The following SVBP variants were observed in gnomAD, a reference collection of about 807,000 sequenced individuals.
SVBP encodes the protein small vasohibin-binding protein.
SVBP carries 9 observed loss-of-function variants against 9.2 expected under a neutral mutation model. The observed-to-expected ratio is 0.98, with a 90% CI of 0.59 to 1.71. The LOEUF is 1.71. SVBP is among the 40% of genes most tolerant of loss of function. The probability of loss-of-function intolerance (pLI) is 0.00; values close to 1 mark genes in which losing one functional copy is unlikely to be tolerated. For missense variants in SVBP, 63 were observed against 73.2 expected (o/e 0.86, Z 0.51); for synonymous variants, 27 against 23.9 (o/e 1.13, Z -0.37).
rs1197578623 is a variant in SVBP, at chr1:42,810,119, CAT to C, written c.115-2621_115-2620del. On this transcript the variant is annotated intron_variant, in intron 2 of 2. Transcript: ENST00000372521. ...TAACACACACACACACACACACATA[CAT>C]ACATACACACACACACACACACACA... 2.5e-4 allele frequency among the ~76,000 whole-genome samples: 32 copies of C among 130,412 alleles called. No homozygotes were observed. In the South Asian group the frequency reaches 2.7e-3, roughly 11 times the overall value. The allele number at this position is 130,412 out of a possible 152,430, so 85.6% of individuals were successfully genotyped here.
chr1:42,809,954 A>G (rs893508131), intron 2 of SVBP, among the ~76,000 whole-genome samples: 4 of 152,154 alleles, frequency 2.6e-5, no homozygotes, highest in Non-Finnish European at 5.9e-5. Flanking sequence ...CATAAAATAC[A>G]GCAAAGAGGG....
At chr1:42,810,111 CACACAT>C (rs775097312) in intron 2 of SVBP, among the ~76,000 whole-genome samples, 3,812 of 144,310 alleles carry the variant, frequency 0.026, 91 homozygotes, top group African/African-American at 0.067. Context: ...CACACACACA[CACACAT>C]ACATACATAC....
At position 42,817,289 on chromosome 1, in the gene SVBP, G is replaced by C. The variant is rs373374822; in HGVS notation, c.-136C>G. On this transcript the variant is annotated 5_prime_UTR_variant, in exon 1 of 3. Coordinates refer to ENST00000372521, the MANE Select transcript of SVBP (RefSeq NM_199342.4). ...CCTTCCCCCGACCACTGGACCCAGC[G>C]CTGCCTGCCCACCGCCCCTCGTCCT... is the stretch of plus-strand genomic sequence containing the variant. The C allele has an allele frequency of 4.3e-5, 52 of 1,214,234 alleles. 1 individual carries two copies. The Middle Eastern group carries it at 8.9e-4, about 21-fold the overall frequency. 75.2% of individuals were successfully genotyped at this position (1,214,234 alleles called of 1,614,324 possible).
intron 2 of SVBP, 37 bp downstream of exon 2, chr1:42,816,394 A>T (rs376257181): frequency 1.5e-6 from 2 of 1,378,594 alleles, no homozygotes; most frequent in Non-Finnish European, 1.0e-6. Context: ...CATCTCCAGC[A>T]GACTACAGGC....
rs1183623657 is a variant in SVBP at position 42,816,561 on chromosome 1, A to G, written c.-17T>C. 1 of 1,550,682 alleles carries G rather than the reference A, an allele frequency of 6.4e-7. No homozygotes were observed. The highest frequency in any genetic ancestry group is 8.9e-7 in the Non-Finnish European group (1 of 1,122,494). On this transcript the variant is annotated 5_prime_UTR_variant, in exon 2 of 3. Coordinates refer to ENST00000372521, the MANE Select transcript of SVBP (RefSeq NM_199342.4). ...TGGATCCATGGCTTGACTTCTGGATATTTCTTAGGAGGCTCTGATCTGGGT... is the reference window on the plus strand; with the variant it reads ...TGGATCCATGGCTTGACTTCTGGATGTTTCTTAGGAGGCTCTGATCTGGGT...
At chr1:42,810,773 G>A (rs1218438139) in intron 2 of SVBP, among the ~76,000 whole-genome samples, 1 of 152,246 alleles carries the variant, frequency 6.6e-6, no homozygotes, top group East Asian at 1.9e-4. Flanking sequence ...TCTGGCGTCT[G>A]CAGAATTGAA....
chr1:42,817,246 C>G lies in SVBP; in HGVS notation c.-93G>C. 6 of 1,253,908 alleles carry G rather than the reference C, an allele frequency of 4.8e-6. No individual in the cohort carries two copies. Among genetic ancestry groups the G allele is most frequent in the Non-Finnish European group, 5.1e-6 (5 of 972,728 alleles). The allele number at this position is 1,253,908 out of a possible 1,614,324, so 77.7% of individuals were successfully genotyped here. ...CTCCGCCGAGTCGCAGACAACGCCTCCGGGAGGGTAATCCTCGCCTTCCCC... is the reference window on the plus strand; with the variant it reads ...CTCCGCCGAGTCGCAGACAACGCCTGCGGGAGGGTAATCCTCGCCTTCCCC... On this transcript the variant is annotated 5_prime_UTR_variant, in exon 1 of 3. Transcript: ENST00000372521.
intron 2 of SVBP, among the ~76,000 whole-genome samples, chr1:42,810,121 TAC>T (rs763790296): frequency 1.5e-5 from 2 of 137,764 alleles, no homozygotes; most frequent in African/African-American, 6.1e-5. Flanking sequence ...CACACATACA[TAC>T]ATACACACAC....
At chr1:42,811,217 C>T (rs1376910107) in intron 2 of SVBP, among the ~76,000 whole-genome samples, 1 of 152,020 alleles carries the variant, frequency 6.6e-6, no homozygotes, top group Non-Finnish European at 1.5e-5. Flanking sequence ...CAAAAAACAA[C>T]AGACAAAAGT....
intron 2 of SVBP, among the ~76,000 whole-genome samples, chr1:42,812,445 T>C (rs1276553140): frequency 1.3e-5 from 2 of 152,232 alleles, no homozygotes; most frequent in East Asian, 1.9e-4. Flanking sequence ...TAATGAAATA[T>C]TAAATCTTTA....
Position 42,817,283 on chromosome 1 carries a change from C to A in SVBP, c.-130G>T. Reference sequence around the variant, plus strand: ...TCCTCGCCTTCCCCCGACCACTGGACCCAGCGCTGCCTGCCCACCGCCCCT... The same window carrying A: ...TCCTCGCCTTCCCCCGACCACTGGAACCAGCGCTGCCTGCCCACCGCCCCT... On this transcript the variant is annotated 5_prime_UTR_variant, in exon 1 of 3. Transcript: ENST00000372521. The A allele has an allele frequency of 8.2e-7, 1 of 1,214,728 alleles. No individual in the cohort carries two copies. The highest frequency in any genetic ancestry group is 8.9e-5 in the East Asian group (1 of 11,246). 75.2% of individuals were successfully genotyped at this position (1,214,728 alleles called of 1,614,324 possible).
At chr1:42,814,056 G>A (rs980161541) in intron 2 of SVBP, among the ~76,000 whole-genome samples, 2 of 151,398 alleles carry the variant, frequency 1.3e-5, no homozygotes, top group South Asian at 2.1e-4. Flanking sequence ...CAAATTCCTC[G>A]AACAGTGCCT....
chr1:42,816,011 G>A (rs1351924709), intron 2 of SVBP, among the ~76,000 whole-genome samples: 1 of 152,156 alleles, frequency 6.6e-6, no homozygotes, highest in Non-Finnish European at 1.5e-5. Context: ...TGTAATCGTT[G>A]AGAGAACAAA....
intron 2 of SVBP, among the ~76,000 whole-genome samples, chr1:42,814,200 G>C (rs1214462618): frequency 7.5e-6 from 1 of 134,108 alleles, no homozygotes; most frequent in Non-Finnish European, 1.6e-5. Flanking sequence ...TCCTGCCTCA[G>C]CCTCCCGAGT....
chr1:42,813,968 T>C (rs910522935), intron 2 of SVBP: 4 of 184,632 alleles, frequency 2.2e-5, no homozygotes, highest in Non-Finnish European at 4.6e-5. Context: ...GTTTACTTAT[T>C]ATGTTTACTG....
At chr1:42,807,574 G>A (rs1570513121) in intron 2 of SVBP, 74 bp from the exon 3 acceptor site, 2 of 1,162,866 alleles carry the variant, frequency 1.7e-6, no homozygotes, top group Non-Finnish European at 1.3e-6. Flanking sequence ...ATAACAGGTG[G>A]TGCCTTCTGA....
rs1323041240 is a variant in SVBP at position 42,807,106 on chromosome 1, G to T, written c.*308C>A. On this transcript the variant is annotated 3_prime_UTR_variant, in exon 3 of 3. Coordinates refer to ENST00000372521, the MANE Select transcript of SVBP (RefSeq NM_199342.4). ...TTGGAGAAGATATAGAGTTTCATGA[G>T]AAACACTGATTTTTCTCAAACAATA... 17 of 218,172 alleles carry T rather than the reference G, an allele frequency of 7.8e-5. No homozygotes were observed. The highest frequency in any genetic ancestry group is 8.9e-6 in the Non-Finnish European group (1 of 112,720). The allele number at this position is 218,172 out of a possible 1,614,324, so 13.5% of individuals were successfully genotyped here. A position where few individuals can be genotyped will look rare whatever the true frequency, so the allele number is the denominator to read the frequency against.
At chr1:42,813,143 C>A (rs1654114332) in intron 2 of SVBP, among the ~76,000 whole-genome samples, 1 of 152,116 alleles carries the variant, frequency 6.6e-6, no homozygotes, top group African/African-American at 2.4e-5. Context: ...TTTGAAAGTA[C>A]TGAAGAATGA....
At chr1:42,814,429 C>T (rs908001898) in intron 2 of SVBP, among the ~76,000 whole-genome samples, 2 of 151,542 alleles carry the variant, frequency 1.3e-5, no homozygotes, top group Admixed American at 6.6e-5. Context: ...CAATATCGGC[C>T]GGGTGCAGTG....
Sources: allele counts gnomAD v4.1 joint callset (sites outside exome capture counted in the v4.1 genomes callset), GRCh38; gene constraint gnomAD v4.1.1; transcripts MANE v1.5; gene names NCBI Gene and HGNC (gene_info 2026-07-23, HGNC 2026-07-21).